Variants in RABL2B observed in about 807,000 individuals in gnomAD.
The protein encoded by RABL2B is RAB, member of RAS oncogene family like 2B.
In RABL2B, 17 loss-of-function variants were observed where a neutral mutation model predicts 26.7. That is an observed-to-expected ratio of 0.64 (90% CI 0.44 to 0.95). The LOEUF (loss-of-function observed/expected upper bound fraction) is 0.95, where lower values mean the gene tolerates loss of function less well. RABL2B is among the 40% of genes least tolerant of loss of function. The probability of loss-of-function intolerance (pLI) is 0.00; values close to 1 mark genes in which losing one functional copy is unlikely to be tolerated. For synonymous variants in RABL2B, 70 were observed against 103.9 expected (o/e 0.67, Z 1.99); for missense variants, 170 against 277.2 (o/e 0.61, Z 2.75).
At chr22:50,772,937 TC>T in intron 5 of RABL2B, 1 of 1,229,216 alleles carries the variant, frequency 8.1e-7, no homozygotes, top group East Asian at 5.8e-5. Context: ...GACCCTCAGC[TC>T]CCCGTGTGGT....
chr22:50,778,457 C>T (rs1408783588), intron 2 of RABL2B, among the ~76,000 whole-genome samples: 1 of 151,662 alleles, frequency 6.6e-6, no homozygotes, highest in African/African-American at 2.4e-5. Flanking sequence ...GCGACACACG[C>T]CTGTGATCCC....
chr22:50,777,189 T>C (rs1555925050), intron 3 of RABL2B, among the ~76,000 whole-genome samples: 4 of 152,168 alleles, frequency 2.6e-5, no homozygotes, highest in African/African-American at 9.7e-5. Context: ...GTCAATCAAT[T>C]TGGAGTCTGT....
chr22:50,780,986 C>T, intron 2 of RABL2B, among the ~76,000 whole-genome samples: 1 of 152,142 alleles, frequency 6.6e-6, no homozygotes, highest in Non-Finnish European at 1.5e-5. Flanking sequence ...CAAACTACAA[C>T]ACCTACCCTC....
chr22:50,775,890 A>C (rs782765574), intron 4 of RABL2B, 39 bp from the exon 5 acceptor site: 1 of 1,614,132 alleles, frequency 6.2e-7, no homozygotes, highest in South Asian at 1.1e-5. Flanking sequence ...TGCCTGGTGC[A>C]CTTCTGTGCA....
chr22:50,779,292 C>G lies in RABL2B; in HGVS notation c.108-1311G>C, dbSNP rs565303821. Among the ~76,000 whole-genome samples the G allele has an allele frequency of 5.3e-3, 809 of 151,270 alleles. 5 individuals carry two copies. Among genetic ancestry groups the G allele is most frequent in the African/African-American group, 0.019 (785 of 41,108 alleles). On this transcript the variant is annotated intron_variant, in intron 2 of 8. Coordinates refer to ENST00000691320, the MANE Select transcript of RABL2B (RefSeq NM_001130919.3). ...AGAACCAGCTCGGCAGGCCTGAGCT[C>G]AAAAACAGAGCAGGCCTACCTCCGG...
chr22:50,772,383 C>T, intron 5 of RABL2B: 1 of 985,512 alleles, frequency 1.0e-6, no homozygotes, highest in Non-Finnish European at 1.2e-6. Flanking sequence ...CAAACCAGCT[C>T]TTAAGGGCAG....
At chr22:50,779,930 G>A (rs1401140380) in intron 2 of RABL2B, among the ~76,000 whole-genome samples, 6 of 152,154 alleles carry the variant, frequency 3.9e-5, no homozygotes, top group Non-Finnish European at 7.3e-5. Flanking sequence ...GCAGTGAGCC[G>A]AGATTGCCCC....
In RABL2B at chr22:50,773,261, G is replaced by A. The variant is rs116719268; in HGVS notation, c.297+2511C>T. Reference sequence around the variant, plus strand: ...CCTTGCCCCATCATCCTCTTGTTTAGTGCCTTAACAGTTATCAGAGTTAAA... The same window carrying A: ...CCTTGCCCCATCATCCTCTTGTTTAATGCCTTAACAGTTATCAGAGTTAAA... On this transcript the variant is annotated intron_variant, in intron 5 of 8. Transcript: ENST00000691320. Among the ~76,000 whole-genome samples, 633 of 152,328 alleles carry A rather than the reference G, an allele frequency of 4.2e-3. 3 individuals carry two copies. Among genetic ancestry groups the A allele is most frequent in the African/African-American group, 0.015 (615 of 41,572 alleles).
intron 4 of RABL2B, among the ~76,000 whole-genome samples, chr22:50,776,294 T>C (rs1391549186): frequency 6.6e-6 from 1 of 152,174 alleles, no homozygotes; most frequent in African/African-American, 2.4e-5. Context: ...TGGGAGATAA[T>C]GTTCTGACCA....
At position 50,769,555 on chromosome 22, in the gene RABL2B, G is replaced by C. The variant is rs781961192; in HGVS notation, c.410-3C>G. On this transcript the variant is annotated splice_region_variant and splice_polypyrimidine_tract_variant and intron_variant, in intron 6 of 8. Transcript: ENST00000691320. ...TTTTTGGGTCACGTTTATGTCTGCTGTAGAGAGAAGGTAGGACATTGGTCT... is the reference window on the plus strand; with the variant it reads ...TTTTTGGGTCACGTTTATGTCTGCTCTAGAGAGAAGGTAGGACATTGGTCT... 6.2e-7 allele frequency: 1 copy of C among 1,610,828 alleles called. No individual in the cohort carries two copies. Among genetic ancestry groups the C allele is most frequent in the Non-Finnish European group, 8.5e-7 (1 of 1,179,630 alleles).
chr22:50,772,701 A>G (rs1459937305), intron 5 of RABL2B: 2 of 1,045,496 alleles, frequency 1.9e-6, no homozygotes, highest in African/African-American at 3.3e-5. Context: ...GCAAATTTCA[A>G]TGAATCACCA....
chr22:50,773,567 T>C (rs1165476190), intron 5 of RABL2B, among the ~76,000 whole-genome samples: 3 of 151,338 alleles, frequency 2.0e-5, no homozygotes, highest in East Asian at 1.9e-4. Context: ...GCTAAGCTAA[T>C]GACAAACATC....
intron 2 of RABL2B, among the ~76,000 whole-genome samples, chr22:50,778,493 G>C (rs1217036799): frequency 6.6e-6 from 1 of 151,990 alleles, no homozygotes; most frequent in Non-Finnish European, 1.5e-5. Flanking sequence ...TGAGACAGGA[G>C]AATCTGCTTG....
chr22:50,777,318 G>A (rs1372027499), intron 3 of RABL2B, among the ~76,000 whole-genome samples: 11 of 151,898 alleles, frequency 7.2e-5, no homozygotes, highest in African/African-American at 2.2e-4. Flanking sequence ...TGGGTGTGCA[G>A]GAGCACTTGG....
Position 50,775,823 on chromosome 22 carries a change from C to G in RABL2B, c.246G>C (p.Arg82=). 1.2e-6 allele frequency: 2 copies of G among 1,614,194 alleles called. No individual in the cohort carries two copies. The highest frequency in any genetic ancestry group is 1.1e-5 in the South Asian group (1 of 91,088). Reference sequence around the variant, plus strand: ...AGTAGGAGGCATGCATGCTCTGGAACCGCTCCTGGCCTGCCGTGTCCCAAA... The same window carrying G: ...AGTAGGAGGCATGCATGCTCTGGAAGCGCTCCTGGCCTGCCGTGTCCCAAA... The part of the protein sequence containing the change: ...VDFWDTAGQE[R]FQSMHASYYH... Residue 82 remains arginine (R), a synonymous_variant, in exon 5 of 9, where the codon CGG becomes CGC. Coordinates refer to ENST00000691320, the MANE Select transcript of RABL2B (RefSeq NM_001130919.3).
chr22:50,780,908 T>G (rs372574903), intron 2 of RABL2B, among the ~76,000 whole-genome samples: 1 of 152,230 alleles, frequency 6.6e-6, no homozygotes, highest in African/African-American at 2.4e-5. Flanking sequence ...CTGCCTGCCA[T>G]TTCTATTCTT....
chr22:50,776,665 C>T lies in RABL2B; in HGVS notation c.217+5G>A. 1 of 1,605,380 alleles carries T rather than the reference C, an allele frequency of 6.2e-7. No homozygotes were observed. Among genetic ancestry groups the T allele is most frequent in the Non-Finnish European group, 8.5e-7 (1 of 1,175,670 alleles). On this transcript the variant is annotated splice_donor_5th_base_variant and intron_variant, in intron 4 of 8. Transcript: ENST00000691320. ...GTCAGCATGTCTTGGCCCTGTGCCACTTACCCACAAGGATGGTCCTTCCAT... is the reference window on the plus strand; with the variant it reads ...GTCAGCATGTCTTGGCCCTGTGCCATTTACCCACAAGGATGGTCCTTCCAT...
chr22:50,769,999 C>T lies in RABL2B; in HGVS notation c.315G>A (p.Arg105=), dbSNP rs1555917222. ...HACIMVFDVQ[R]KVTYRNLSTW... ...TGCTCAGGTTCCTATAGGTGACTTT[C>T]CTCTGTACATCAAACACCTGCAAAG... is the stretch of plus-strand genomic sequence containing the variant. Residue 105 remains arginine (R), a synonymous_variant, in exon 6 of 9, where the codon AGG becomes AGA. Coordinates refer to ENST00000691320, the MANE Select transcript of RABL2B (RefSeq NM_001130919.3). The T allele has an allele frequency of 2.5e-6, 4 of 1,613,758 alleles. No homozygotes were observed. Among genetic ancestry groups the T allele is most frequent in the Non-Finnish European group, 3.4e-6 (4 of 1,179,858 alleles).
At chr22:50,771,187 T>C (rs1401545011) in intron 5 of RABL2B, 3 of 152,228 alleles carry the variant, frequency 2.0e-5, no homozygotes, top group African/African-American at 7.2e-5. Flanking sequence ...GGACTACAGG[T>C]GTGCGCCACC....
Sources: gnomAD v4.1 joint callset for allele counts (sites outside exome capture counted in the v4.1 genomes callset) on GRCh38, gnomAD v4.1.1 for gene constraint, MANE v1.5 for transcripts, NCBI Gene and HGNC (gene_info 2026-07-23, HGNC 2026-07-21) for gene names.